The following WDR70 variants were observed in gnomAD, a reference collection of about 807,000 sequenced individuals.
WDR70 encodes the protein WD repeat-containing protein 70.
A neutral mutation model predicts 88.6 loss-of-function variants in WDR70; 53 were observed. That is an observed-to-expected ratio of 0.60 (90% confidence interval 0.48 to 0.75). The LOEUF (loss-of-function observed/expected upper bound fraction) is 0.75, where lower values mean the gene tolerates loss of function less well. WDR70 is among the 30% of genes least tolerant of loss of function. The probability of loss-of-function intolerance (pLI) is 0.00; values close to 1 mark genes in which losing one functional copy is unlikely to be tolerated. For synonymous variants in WDR70, 280 were observed against 270.0 expected, an observed-to-expected ratio of 1.04 and a Z score of -0.36; for missense variants, 610 against 823.2, an observed-to-expected ratio of 0.74 and a Z score of 3.17.
chr5:37,453,734 T>C (rs1015637985), intron 7 of WDR70, among the ~76,000 whole-genome samples: 25 of 152,190 alleles, frequency 1.6e-4, no homozygotes, highest in African/African-American at 6.0e-4. Context: ...GCCTTTTACT[T>C]AATTTCCTGG....
chr5:37,392,042 T>G lies in WDR70; in HGVS notation c.218T>G (p.Leu73Ter). 6.2e-7 allele frequency: 1 copy of G among 1,612,386 alleles called. No homozygotes were observed. The highest frequency in any genetic ancestry group is 8.5e-7 in the Non-Finnish European group (1 of 1,179,456). ...GAAGAAATGAACAGAGAGAAAGAAT[T>G]AAGAAGACAAAATGAAGATATTGAG... ...KEEEMNREKE[L>*]RRQNEDIEPT... The change falls in exon 4 of 18, where the codon TTA becomes TGA. Residue 73 changes from leucine to a stop codon, truncating the protein, a stop_gained. Transcript: ENST00000265107. LOFTEE classifies it high-confidence loss of function.
intron 17 of WDR70, among the ~76,000 whole-genome samples, chr5:37,728,035 A>G (rs1455385127): frequency 6.6e-6 from 1 of 152,162 alleles, no homozygotes; most frequent in East Asian, 1.9e-4. Context: ...TCAAAACTAT[A>G]AAACTAACAT....
At chr5:37,662,917 T>C (rs906871271) in intron 10 of WDR70, among the ~76,000 whole-genome samples, 2 of 152,206 alleles carry the variant, frequency 1.3e-5, no homozygotes, top group Non-Finnish European at 2.9e-5. Context: ...GGAAAAAGTG[T>C]TATTAAAATA....
chr5:37,683,507 T>G (rs567963296), intron 10 of WDR70, among the ~76,000 whole-genome samples: 1 of 152,302 alleles, frequency 6.6e-6, no homozygotes, highest in Admixed American at 6.5e-5. Context: ...ATTTAGTACT[T>G]CTTCAGGACT....
At chr5:37,650,746 A>G (rs1745383008) in intron 10 of WDR70, among the ~76,000 whole-genome samples, 1 of 152,104 alleles carries the variant, frequency 6.6e-6, no homozygotes, top group Non-Finnish European at 1.5e-5. Context: ...TCTTGGGGCA[A>G]TGGGTATGGA....
At chr5:37,685,045 T>C (rs2112624735) in intron 10 of WDR70, among the ~76,000 whole-genome samples, 2 of 152,142 alleles carry the variant, frequency 1.3e-5, no homozygotes, top group South Asian at 4.1e-4. Context: ...CAGCCAGGGG[T>C]TGGCTGCTCA....
chr5:37,384,237 A>G (rs1303121221), intron 3 of WDR70, among the ~76,000 whole-genome samples: 3 of 138,818 alleles, frequency 2.2e-5, no homozygotes, highest in Non-Finnish European at 3.0e-5. Flanking sequence ...ACAGGTGTGC[A>G]GTGGCATGAC....
intron 13 of WDR70, among the ~76,000 whole-genome samples, chr5:37,715,758 C>G (rs988951029): frequency 1.3e-5 from 2 of 152,164 alleles, no homozygotes; most frequent in Admixed American, 1.3e-4. Context: ...ATATAGAAAA[C>G]AGTTTTTCTT....
At position 37,659,274 on chromosome 5, in the gene WDR70, A is replaced by G. The variant is rs187622366; in HGVS notation, c.1093-38381A>G. 2.2e-3 allele frequency among the ~76,000 whole-genome samples: 338 copies of G among 152,304 alleles called. 2 individuals are homozygous for G. The highest frequency in any genetic ancestry group is 7.9e-3 in the African/African-American group (327 of 41,570). On this transcript the variant is annotated intron_variant, in intron 10 of 17. Transcript: ENST00000265107. Reference sequence around the variant, plus strand: ...ACTGCAATGAAGTAGTAGCAATGACATTTTTGTTTTAACTTCTTTGTTATT... The same window carrying G: ...ACTGCAATGAAGTAGTAGCAATGACGTTTTTGTTTTAACTTCTTTGTTATT...
rs1748507069 is a variant in WDR70, at chr5:37,742,299, G to A, written c.1878-10187G>A. ...TTTTTTCAACAGTAGCCATTCTTGT[G>A]GTGAGGTGGTATCTCATTGTGGTTT... On this transcript the variant is annotated intron_variant, in intron 17 of 17. Coordinates refer to ENST00000265107, the MANE Select transcript of WDR70 (RefSeq NM_018034.4). Among the ~76,000 whole-genome samples the A allele has an allele frequency of 2.0e-5, 3 of 147,672 alleles. 1 individual carries two copies. Among genetic ancestry groups the A allele is most frequent in the African/African-American group, 7.4e-5 (3 of 40,364 alleles).
intron 10 of WDR70, among the ~76,000 whole-genome samples, chr5:37,669,400 TA>T (rs68145326): frequency 0.57 from 84,981 of 148,900 alleles, 24,495 homozygotes; most frequent in African/African-American, 0.7. Flanking sequence ...ATCTTTTTTT[TA>T]AAAAAAAAAA....
intron 5 of WDR70, among the ~76,000 whole-genome samples, 200 bp from the exon 6 acceptor site, chr5:37,437,722 T>C (rs1750511376): frequency 6.6e-6 from 1 of 152,138 alleles, no homozygotes; most frequent in South Asian, 2.1e-4. Flanking sequence ...TTAAAATCAG[T>C]TTATCATCAG....
intron 3 of WDR70, among the ~76,000 whole-genome samples, chr5:37,390,606 C>T (rs1236137478): frequency 3.3e-5 from 5 of 151,784 alleles, no homozygotes; most frequent in Non-Finnish European, 7.4e-5. Context: ...TCCCAAAGTG[C>T]TGGGATTACA....
At chr5:37,747,825 G>A (rs113192991) in intron 17 of WDR70, among the ~76,000 whole-genome samples, 41 of 152,286 alleles carry the variant, frequency 2.7e-4, no homozygotes, top group African/African-American at 9.6e-4. Flanking sequence ...AAAATCACAA[G>A]TATTCCTTTA....
chr5:37,662,493 G>T (rs1315735816), intron 10 of WDR70, among the ~76,000 whole-genome samples: 1 of 152,152 alleles, frequency 6.6e-6, no homozygotes, highest in African/African-American at 2.4e-5. Context: ...CCCTGTGCTT[G>T]TATTTAATGA....
intron 10 of WDR70, among the ~76,000 whole-genome samples, chr5:37,631,080 G>C (rs1386069814): frequency 1.3e-5 from 2 of 152,168 alleles, no homozygotes; most frequent in Non-Finnish European, 2.9e-5. Context: ...CCAGGTCGGG[G>C]AGATGGGGTT....
At chr5:37,551,512 G>A (rs1193700622) in intron 9 of WDR70, among the ~76,000 whole-genome samples, 2 of 151,616 alleles carry the variant, frequency 1.3e-5, no homozygotes, top group East Asian at 2.0e-4. Context: ...GGTGGATCAC[G>A]AGGTCAGGAG....
In WDR70 at chr5:37,697,771, C is replaced by G. The variant is rs1166133913; in HGVS notation, c.1192+17C>G. ...CTCGTGGAGGTAGGTTAAAAGCTTT[C>G]TTTTTGATGTATTTCTCTATATAAA... On this transcript the variant is annotated intron_variant, in intron 11 of 17. Coordinates refer to ENST00000265107, the MANE Select transcript of WDR70 (RefSeq NM_018034.4). The G allele has an allele frequency of 1.3e-6, 2 of 1,575,680 alleles. No homozygotes were observed. The highest frequency in any genetic ancestry group is 2.7e-5 in the African/African-American group (2 of 73,956).
intron 8 of WDR70, among the ~76,000 whole-genome samples, chr5:37,496,456 C>T (rs1740217651): frequency 6.6e-6 from 1 of 152,202 alleles, no homozygotes; most frequent in Non-Finnish European, 1.5e-5. Context: ...TCTGAAGGAA[C>T]AAACTCCGGA....
Sources: gnomAD v4.1 joint callset for allele counts (sites outside exome capture counted in the v4.1 genomes callset) on GRCh38, gnomAD v4.1.1 for gene constraint, MANE v1.5 for transcripts, NCBI Gene and HGNC (gene_info 2026-07-23, HGNC 2026-07-21) for gene names.